Variants in BICD1 observed in about 807,000 individuals in gnomAD.
BICD1 encodes the protein protein bicaudal D homolog 1.
BICD1 carries 35 observed loss-of-function variants against 92.5 expected under a neutral mutation model. That is an observed-to-expected ratio of 0.38 (90% CI 0.29 to 0.50). The LOEUF is 0.50. BICD1 is among the 20% of genes least tolerant of loss of function. The pLI is 0.93. For synonymous variants in BICD1, 429 were observed against 465.1 expected (o/e 0.92, Z 1.00); for missense variants, 950 against 1,189.8 (o/e 0.80, Z 2.97).
chr12:32,328,332 A>G lies in BICD1; in HGVS notation c.1877A>G (p.Tyr626Cys). ...ATCCGCAAAGAGCCAATGAATATCTACAACCTTAATGCCATAATCCGGGAC... is the reference window on the plus strand; with the variant it reads ...ATCCGCAAAGAGCCAATGAATATCTGCAACCTTAATGCCATAATCCGGGAC... ...SDIRKEPMNIYNLNAIIRDQI... is the reference protein window; with the variant it reads ...SDIRKEPMNICNLNAIIRDQI... The change falls in exon 5 of 10, where the codon TAC becomes TGC. Residue 626 changes from tyrosine (Y) to cysteine (C), a missense_variant. Tyr to Cys is a radical substitution (Grantham distance 194, BLOSUM62 -2). Around this residue, in one of 5 missense-constraint regions of BICD1, gnomAD observed 309 missense variants for 499.4 expected, o/e 0.62. Transcript: ENST00000652176. This position sits in a 1 kb window ranked among gnomAD's most constrained non-coding sequence, Gnocchi z 4.4. The G allele has an allele frequency of 6.2e-7, 1 of 1,614,244 alleles. No homozygotes were observed. Among genetic ancestry groups the G allele is most frequent in the Non-Finnish European group, 8.5e-7 (1 of 1,180,038 alleles).
chr12:32,237,992 A>C (rs907975701), intron 2 of BICD1, among the ~76,000 whole-genome samples: 1 of 152,232 alleles, frequency 6.6e-6, no homozygotes, highest in African/African-American at 2.4e-5. Flanking sequence ...AAGTCTATTG[A>C]AAACCTTCTG....
chr12:32,333,892 G>A (rs1273264986), intron 5 of BICD1, among the ~76,000 whole-genome samples: 1 of 152,146 alleles, frequency 6.6e-6, no homozygotes, highest in Non-Finnish European at 1.5e-5. Flanking sequence ...TGGAGATTTT[G>A]AAGGAATTAT....
At chr12:32,214,045 A>C (rs1373524861) in intron 1 of BICD1, among the ~76,000 whole-genome samples, 1 of 151,902 alleles carries the variant, frequency 6.6e-6, no homozygotes, top group Admixed American at 6.6e-5. Context: ...CTATTTATTG[A>C]TTTATTATGT....
chr12:32,319,339 A>T (rs1948587656), intron 4 of BICD1, among the ~76,000 whole-genome samples: 1 of 152,138 alleles, frequency 6.6e-6, no homozygotes, highest in African/African-American at 2.4e-5. Flanking sequence ...TTCTTCATAT[A>T]TTGAGATGAT....
chr12:32,283,852 C>G (rs813785), intron 2 of BICD1, among the ~76,000 whole-genome samples: 3 of 152,038 alleles, frequency 2.0e-5, no homozygotes, highest in African/African-American at 7.2e-5. Flanking sequence ...TCCCAGCCTT[C>G]TTGTTTTCTA....
At chr12:32,109,719 T>C (rs773854947) in intron 1 of BICD1, 1 of 151,948 alleles carries the variant, frequency 6.6e-6, no homozygotes, top group African/African-American at 2.4e-5. Flanking sequence ...AAAATTATTA[T>C]AGTTGATTAT....
intron 8 of BICD1, among the ~76,000 whole-genome samples, chr12:32,342,192 A>ATGTG (rs1185218186): frequency 9.1e-6 from 1 of 109,988 alleles, no homozygotes; most frequent in African/African-American, 3.9e-5. Flanking sequence ...GTATATATAT[A>ATGTG]TGTGTGTGTG....
intron 2 of BICD1, among the ~76,000 whole-genome samples, chr12:32,233,458 G>A (rs957616843): frequency 1.3e-5 from 2 of 151,600 alleles, no homozygotes; most frequent in East Asian, 1.9e-4. Flanking sequence ...TGCGGAACTC[G>A]TATGGTGTAC....
chr12:32,212,373 C>T (rs913710560), intron 1 of BICD1, among the ~76,000 whole-genome samples: 3 of 152,160 alleles, frequency 2.0e-5, no homozygotes, highest in African/African-American at 7.2e-5. Flanking sequence ...TAATTCCAGC[C>T]TAATCTTTTC....
chr12:32,256,615 G>C lies in BICD1; in HGVS notation c.427-37379G>C, dbSNP rs1946728297. Among the ~76,000 whole-genome samples the C allele has an allele frequency of 3.3e-5, 5 of 152,146 alleles. No individual in the cohort carries two copies. In the South Asian group the frequency reaches 1.0e-3, roughly 32 times the overall value. ...AATTGAACAAATAATAGATAAGAAG[G>C]AAAATTGTAAAAAGAGACAGTGATG... On this transcript the variant is annotated intron_variant, in intron 2 of 9. Transcript: ENST00000652176.
At chr12:32,274,131 C>A (rs753747791) in intron 2 of BICD1, among the ~76,000 whole-genome samples, 4 of 152,164 alleles carry the variant, frequency 2.6e-5, no homozygotes, top group Non-Finnish European at 4.4e-5. Context: ...CTTTTCGACA[C>A]TTTAATGTAG....
At position 32,305,975 on chromosome 12, in the gene BICD1, C is replaced by G; in HGVS notation, c.858C>G (p.Asn286Lys). The G allele has an allele frequency of 6.2e-7, 1 of 1,614,158 alleles. No homozygotes were observed. Among genetic ancestry groups the G allele is most frequent in the Non-Finnish European group, 8.5e-7 (1 of 1,180,024 alleles). The change falls in exon 4 of 10, where the codon AAC becomes AAG. Residue 286 changes from asparagine to lysine, a missense_variant. Asn to Lys is a moderately conservative substitution (Grantham distance 94). Transcript: ENST00000652176. The stretch of plus-strand genomic sequence containing the variant: ...AACCAAACAATGATGACAAAATGAA[C>G]GGTCATATCCATGGGCCTCTTGTGA... ...GSEPNNDDKMNGHIHGPLVKL... is the reference protein window; with the variant it reads ...GSEPNNDDKMKGHIHGPLVKL...
intron 2 of BICD1, among the ~76,000 whole-genome samples, chr12:32,266,088 A>T (rs958332983): frequency 6.6e-6 from 1 of 152,178 alleles, no homozygotes; most frequent in Non-Finnish European, 1.5e-5. Context: ...TCCTCATCTA[A>T]GCACAGACAC....
chr12:32,107,195 C>T lies in BICD1; in HGVS notation c.-137C>T. ...GCTGCCACCAGAGCCGGCGGGGCAT[C>T]GCGCTGCTCATTCATCCGGCCGCAC... On this transcript the variant is annotated 5_prime_UTR_variant, in exon 1 of 10. Transcript: ENST00000652176. The T allele has an allele frequency of 1.2e-6, 1 of 827,540 alleles. No homozygotes were observed. The allele number at this position is 827,540 out of a possible 1,614,324, so 51.3% of individuals were successfully genotyped here. A position where few individuals can be genotyped will look rare whatever the true frequency, so the allele number is the denominator to read the frequency against.
chr12:32,125,534 A>G (rs906688925), intron 1 of BICD1, among the ~76,000 whole-genome samples: 5 of 152,226 alleles, frequency 3.3e-5, no homozygotes, highest in Admixed American at 1.3e-4. Context: ...GGAGAGTGAC[A>G]TAATTAGCTT....
intron 8 of BICD1, among the ~76,000 whole-genome samples, chr12:32,358,861 A>AAT (rs951921873): frequency 3.1e-4 from 47 of 151,894 alleles, no homozygotes; most frequent in South Asian, 1.2e-3. Context: ...ATTGTCTGCA[A>AAT]ATATATATAT....
rs1318879831 is a variant in BICD1 at position 32,267,792 on chromosome 12, T to G, written c.427-26202T>G. 4.6e-5 allele frequency among the ~76,000 whole-genome samples: 7 copies of G among 152,190 alleles called. No individual in the cohort carries two copies. In the East Asian group the frequency reaches 1.2e-3, roughly 25 times the overall value. On this transcript the variant is annotated intron_variant, in intron 2 of 9. Coordinates refer to ENST00000652176, the MANE Select transcript of BICD1 (RefSeq NM_001714.4). ...AGGCTCTCTATTTTGTTTCATTGTC[T>G]GACTATCCTTTTTAAAATAAGTTTT...
chr12:32,286,054 G>A (rs1470215885), intron 2 of BICD1, among the ~76,000 whole-genome samples: 2 of 152,164 alleles, frequency 1.3e-5, no homozygotes, highest in Admixed American at 6.5e-5. Context: ...AGCTTAACCA[G>A]TGTTGCAGCC....
chr12:32,170,394 G>A (rs889369342), intron 1 of BICD1, among the ~76,000 whole-genome samples: 1 of 152,116 alleles, frequency 6.6e-6, no homozygotes, highest in African/African-American at 2.4e-5. Context: ...ATATGTCTGA[G>A]CCACTTATGA....
Sources: allele counts gnomAD v4.1 joint callset (sites outside exome capture counted in the v4.1 genomes callset), GRCh38; gene constraint gnomAD v4.1.1; regional missense constraint gnomAD v4.1.1; non-coding constraint Gnocchi (gnomAD v3.1); transcripts MANE v1.5; gene names NCBI Gene and HGNC (gene_info 2026-07-23, HGNC 2026-07-21).